Variants in ADAMTSL3 observed in about 807,000 individuals in gnomAD.
The protein encoded by ADAMTSL3 is ADAMTS-like protein 3.
Under a neutral mutation model 201.7 loss-of-function variants are expected in ADAMTSL3, and 128 were observed. The observed-to-expected ratio is 0.63, with a 90% CI of 0.55 to 0.73. The LOEUF (loss-of-function observed/expected upper bound fraction) is 0.73, where lower values mean the gene tolerates loss of function less well. Ranked by LOEUF, ADAMTSL3 falls within the 30% of genes least tolerant of loss-of-function variation. The pLI, the probability that ADAMTSL3 is intolerant of heterozygous loss-of-function variation, is 0.00. For missense variants in ADAMTSL3, 1,990 were observed against 2,119.6 expected (o/e 0.94, Z 1.20); for synonymous variants, 738 against 748.4 (o/e 0.99, Z 0.23).
At chr15:83,968,630 A>G (rs551909355) in intron 19 of ADAMTSL3, among the ~76,000 whole-genome samples, 1 of 152,362 alleles carries the variant, frequency 6.6e-6, no homozygotes, top group Admixed American at 6.5e-5. Flanking sequence ...TAGAATCAGA[A>G]ATACCATTTG....
At chr15:83,801,651 A>AAATATATATATAT (rs2063518696) in intron 4 of ADAMTSL3, among the ~76,000 whole-genome samples, 1 of 31,288 alleles carries the variant, frequency 3.2e-5, no homozygotes, top group Admixed American at 4.8e-4. Flanking sequence ...TATAAATATA[A>AAATATATATATAT]ATATATATAT....
chr15:83,903,242 CTTTT>C (rs3044648), intron 15 of ADAMTSL3, among the ~76,000 whole-genome samples: 1 of 133,486 alleles, frequency 7.5e-6, no homozygotes, highest in Non-Finnish European at 1.6e-5. Context: ...GCTGCCAGAT[CTTTT>C]TTTTTTTTTT....
chr15:83,893,575 A>G (rs2065553213), intron 13 of ADAMTSL3, among the ~76,000 whole-genome samples: 1 of 152,326 alleles, frequency 6.6e-6, no homozygotes, highest in African/African-American at 2.4e-5. Context: ...TTGTGAAGAC[A>G]TAATATATTT....
chr15:83,784,062 G>GA (rs1432214482), intron 4 of ADAMTSL3, among the ~76,000 whole-genome samples: 1 of 152,142 alleles, frequency 6.6e-6, no homozygotes, highest in Non-Finnish European at 1.5e-5. Context: ...GCATTCACAA[G>GA]AAAAAACATT....
chr15:83,967,983 C>T (rs1000927870), intron 19 of ADAMTSL3, among the ~76,000 whole-genome samples: 20 of 152,038 alleles, frequency 1.3e-4, no homozygotes, highest in African/African-American at 3.4e-4. Context: ...TATCCATATG[C>T]GGAAAACTGA....
rs181030106 is a variant in ADAMTSL3, at chr15:83,887,397, T to G, written c.1072+2185T>G. Among the ~76,000 whole-genome samples, 3 of 152,300 alleles carry G rather than the reference T, an allele frequency of 2.0e-5. No individual in the cohort carries two copies. In the East Asian group the frequency reaches 5.8e-4, roughly 29 times the overall value. ...AATCTATCCCTTGTCACAAATAGAG[T>G]ACAATCACAAAATTAATACAGTGAA... On this transcript the variant is annotated intron_variant, in intron 10 of 29. Transcript: ENST00000286744.
rs200180566 is a variant in ADAMTSL3, at chr15:83,823,956, T to G, written c.600+3909T>G. The stretch of plus-strand genomic sequence containing the variant: ...CTTCTTCTTCTTCTTCTTCTTCTTC[T>G]TCTTCTTCTTCTTCTTCTCCTCCTC... On this transcript the variant is annotated intron_variant, in intron 6 of 29. Coordinates refer to ENST00000286744, the MANE Select transcript of ADAMTSL3 (RefSeq NM_207517.3). Among the ~76,000 whole-genome samples the G allele has an allele frequency of 3.7e-5, 3 of 80,810 alleles. No individual in the cohort carries two copies. The Admixed American group carries it at 3.7e-4, about 10-fold the overall frequency. The allele number at this position is 80,810 out of a possible 152,430, so 53.0% of individuals were successfully genotyped here. A position where few individuals can be genotyped will look rare whatever the true frequency, so the allele number is the denominator to read the frequency against.
intron 7 of ADAMTSL3, among the ~76,000 whole-genome samples, chr15:83,857,400 C>T (rs764083235): frequency 2.6e-5 from 4 of 152,092 alleles, no homozygotes; most frequent in Non-Finnish European, 4.4e-5. Flanking sequence ...TATTTTTTAA[C>T]CTTCCTTTTT....
At chr15:83,660,503 TTG>T (rs926182284) in intron 2 of ADAMTSL3, among the ~76,000 whole-genome samples, 1 of 152,208 alleles carries the variant, frequency 6.6e-6, no homozygotes, top group Non-Finnish European at 1.5e-5. Flanking sequence ...AGTCATAACC[TTG>T]TGTCTGAGTG....
At chr15:83,694,539 C>G (rs1768253880) in intron 2 of ADAMTSL3, among the ~76,000 whole-genome samples, 1 of 152,122 alleles carries the variant, frequency 6.6e-6, no homozygotes, top group African/African-American at 2.4e-5. Context: ...TCCAATAGGT[C>G]AGCTTACTTC....
chr15:84,009,866 G>T (rs2067976878), intron 23 of ADAMTSL3, among the ~76,000 whole-genome samples: 1 of 152,218 alleles, frequency 6.6e-6, no homozygotes, highest in Non-Finnish European at 1.5e-5. Flanking sequence ...CCTGGCTGAA[G>T]GCCTCTGGTA....
chr15:83,658,925 G>A (rs1474973491), intron 2 of ADAMTSL3, among the ~76,000 whole-genome samples: 1 of 151,982 alleles, frequency 6.6e-6, no homozygotes, highest in African/African-American at 2.4e-5. Context: ...TAATTTAATT[G>A]TCATAGGATG....
intron 15 of ADAMTSL3, among the ~76,000 whole-genome samples, 193 bp downstream of exon 15, chr15:83,899,924 C>T (rs2065691107): frequency 6.6e-6 from 1 of 152,172 alleles, no homozygotes; most frequent in South Asian, 2.1e-4. Context: ...GGCAGTTTCT[C>T]TGAGCAGCAC....
intron 3 of ADAMTSL3, among the ~76,000 whole-genome samples, chr15:83,757,337 C>T (rs1422633647): frequency 6.6e-6 from 1 of 152,252 alleles, no homozygotes; most frequent in East Asian, 1.9e-4. Context: ...TCTGCACCCA[C>T]AGGCTCAACA....
intron 7 of ADAMTSL3, among the ~76,000 whole-genome samples, chr15:83,848,983 C>G (rs1235817410): frequency 6.6e-6 from 1 of 152,110 alleles, no homozygotes; most frequent in Non-Finnish European, 1.5e-5. Context: ...CACCAAATTT[C>G]AATAAGACAG....
At chr15:83,809,681 A>G (rs1232971639) in intron 5 of ADAMTSL3, among the ~76,000 whole-genome samples, 1 of 152,214 alleles carries the variant, frequency 6.6e-6, no homozygotes, top group Non-Finnish European at 1.5e-5. Context: ...TGTGTTTATT[A>G]AAAGTTTTAA....
chr15:83,840,565 A>G (rs1340060162), intron 7 of ADAMTSL3, among the ~76,000 whole-genome samples: 6 of 152,180 alleles, frequency 3.9e-5, no homozygotes, highest in South Asian at 2.1e-4. Flanking sequence ...ACTCTTCATT[A>G]GGAGATAGAG....
intron 2 of ADAMTSL3, among the ~76,000 whole-genome samples, chr15:83,695,410 C>T (rs945365679): frequency 7.2e-4 from 110 of 151,782 alleles, no homozygotes; most frequent in African/African-American, 2.3e-3. Flanking sequence ...ATTTAAACTC[C>T]GGGAAGGAGC....
chr15:83,741,074 G>A (rs907241515), intron 3 of ADAMTSL3, among the ~76,000 whole-genome samples: 3 of 151,838 alleles, frequency 2.0e-5, no homozygotes, highest in African/African-American at 7.2e-5. Flanking sequence ...GAGATAGAAA[G>A]CTTTCCAGAA....
Sources: gnomAD v4.1 joint callset for allele counts (sites outside exome capture counted in the v4.1 genomes callset) on GRCh38, gnomAD v4.1.1 for gene constraint, MANE v1.5 for transcripts, NCBI Gene and HGNC (gene_info 2026-07-23, HGNC 2026-07-21) for gene names.